Variants in RASSF8 observed in about 807,000 individuals in gnomAD.
RASSF8 encodes ras association domain-containing protein 8.
A neutral mutation model predicts 48.5 loss-of-function variants in RASSF8; 22 were observed. The ratio of observed to expected loss-of-function variants is 0.45; its 90% CI spans 0.32 to 0.65. The LOEUF is 0.65. Among genes scored for constraint, RASSF8 ranks in the 30% least tolerant of loss-of-function variants. RASSF8 has a pLI of 0.03. For synonymous variants in RASSF8, 127 were observed against 171.5 expected, an observed-to-expected ratio of 0.74 and a Z score of 2.03; for missense variants, 418 against 489.2, an observed-to-expected ratio of 0.85 and a Z score of 1.37.
rs1942910871 is a variant in RASSF8, at chr12:26,026,274, A to C, written c.-108-28962A>C. 2.0e-5 allele frequency among the ~76,000 whole-genome samples: 3 copies of C among 152,228 alleles called. No homozygotes were observed. In the South Asian group the frequency reaches 6.2e-4, roughly 32 times the overall value. ...ATAAGAACTTCATCGTAAAAAAGAC[A>C]AATAGTCCCATTAGAAAATTGACAA... is the stretch of plus-strand genomic sequence containing the variant. On this transcript the variant is annotated intron_variant, in intron 2 of 5. Transcript: ENST00000689635.
intron 1 of RASSF8, among the ~76,000 whole-genome samples, chr12:25,985,451 T>C (rs1352713422): frequency 6.6e-6 from 1 of 152,120 alleles, no homozygotes; most frequent in East Asian, 1.9e-4. Flanking sequence ...TCAGAGACTA[T>C]CGTATGGTTT....
chr12:25,964,163 T>G (rs981183642), intron 1 of RASSF8, among the ~76,000 whole-genome samples: 2 of 152,188 alleles, frequency 1.3e-5, no homozygotes, highest in African/African-American at 4.8e-5. Context: ...CCACCATGTA[T>G]ATATGTCCAC....
intron 3 of RASSF8, among the ~76,000 whole-genome samples, chr12:26,059,301 C>CTT (rs1226588616): frequency 2.6e-5 from 4 of 152,162 alleles, no homozygotes; most frequent in African/African-American, 7.2e-5. Flanking sequence ...ATCCACGGTA[C>CTT]TTTGATACTT....
chr12:26,017,691 C>T (rs1175879014), intron 2 of RASSF8, among the ~76,000 whole-genome samples: 1 of 152,206 alleles, frequency 6.6e-6, no homozygotes, highest in Non-Finnish European at 1.5e-5. Flanking sequence ...GAGCTGGTCA[C>T]AGGAGAAGCT....
intron 1 of RASSF8, among the ~76,000 whole-genome samples, chr12:25,980,631 G>A (rs1045516307): frequency 8.5e-5 from 13 of 152,136 alleles, no homozygotes; most frequent in Admixed American, 2.6e-4. Flanking sequence ...GTATCTTCCC[G>A]TTAGCTGGTG....
intron 2 of RASSF8, among the ~76,000 whole-genome samples, chr12:26,002,587 A>G (rs1357027973): frequency 6.6e-6 from 1 of 152,218 alleles, no homozygotes; most frequent in East Asian, 1.9e-4. Flanking sequence ...CAGCCTGACC[A>G]ACATGGTGAA....
chr12:25,962,178 C>G (rs1014688229), intron 1 of RASSF8, among the ~76,000 whole-genome samples: 2 of 152,186 alleles, frequency 1.3e-5, no homozygotes, highest in Non-Finnish European at 2.9e-5. Context: ...ATGATTTGAT[C>G]TCTACATCCA....
chr12:26,026,002 TAAATG>T (rs1942905057), intron 2 of RASSF8, among the ~76,000 whole-genome samples: 1 of 152,124 alleles, frequency 6.6e-6, no homozygotes, highest in South Asian at 2.1e-4. Flanking sequence ...ATCAAAGACT[TAAATG>T]TAAGAAGAAA....
chr12:26,056,164 G>A (rs1943598101), intron 3 of RASSF8, among the ~76,000 whole-genome samples: 1 of 152,170 alleles, frequency 6.6e-6, no homozygotes, highest in Non-Finnish European at 1.5e-5. Flanking sequence ...CAGCTTGGGT[G>A]ACAGCGAAAC....
intron 5 of RASSF8, 52 bp from the exon 6 acceptor site, chr12:26,068,645 A>G: frequency 2.2e-6 from 3 of 1,366,848 alleles, no homozygotes; most frequent in Non-Finnish European, 3.0e-6. Flanking sequence ...TATATTGCTA[A>G]GTACTCCAAG....
At chr12:26,030,812 G>T (rs1592286350) in intron 2 of RASSF8, among the ~76,000 whole-genome samples, 1 of 152,040 alleles carries the variant, frequency 6.6e-6, no homozygotes, top group East Asian at 1.9e-4. Context: ...TGGTTTTGGG[G>T]CTAGGTAAAT....
At chr12:25,972,347 T>C (rs1407629769) in intron 1 of RASSF8, among the ~76,000 whole-genome samples, 4 of 152,006 alleles carry the variant, frequency 2.6e-5, no homozygotes, top group Admixed American at 2.0e-4. Context: ...AGTAAGTACA[T>C]AAATATTATA....
downstream of RASSF8, among the ~76,000 whole-genome samples, chr12:26,077,758 T>G (rs1015070022): frequency 5.3e-5 from 8 of 152,208 alleles, no homozygotes; most frequent in African/African-American, 1.9e-4. Context: ...GTTGGCTGGT[T>G]TTTTTGGAAC....
chr12:25,984,648 T>C (rs1379359770), intron 1 of RASSF8, among the ~76,000 whole-genome samples: 1 of 152,142 alleles, frequency 6.6e-6, no homozygotes, highest in Non-Finnish European at 1.5e-5. Flanking sequence ...GCCTAAACTA[T>C]TTTTTAAAAG....
intron 1 of RASSF8, among the ~76,000 whole-genome samples, chr12:25,975,857 C>T (rs546912679): frequency 6.6e-6 from 1 of 152,202 alleles, no homozygotes; most frequent in South Asian, 2.1e-4. Flanking sequence ...GAGAGGCCAC[C>T]ACAGCCAGAA....
Position 26,069,649 on chromosome 12 carries a change from C to T in RASSF8, c.*831C>T. The T allele has an allele frequency of 3.0e-6, 3 of 985,396 alleles. No individual in the cohort carries two copies. The highest frequency in any genetic ancestry group is 3.6e-6 in the Non-Finnish European group (3 of 829,888). 61.0% of individuals were successfully genotyped at this position (985,396 alleles called of 1,614,324 possible). On this transcript the variant is annotated 3_prime_UTR_variant, in exon 6 of 6. Transcript: ENST00000689635. ...TGTTTCTGCCCTGTCTTATCATTTA[C>T]ACTCATGGATCTTCAGAATTAATCT...
chr12:26,075,399 A>G (rs1195566359), downstream of RASSF8, among the ~76,000 whole-genome samples: 1 of 152,218 alleles, frequency 6.6e-6, no homozygotes, highest in Admixed American at 6.5e-5. Context: ...CTTCCTTTTT[A>G]TAGAGTGTTT....
intron 1 of RASSF8, among the ~76,000 whole-genome samples, chr12:25,976,026 G>A (rs913825517): frequency 6.6e-6 from 1 of 152,096 alleles, no homozygotes; most frequent in Non-Finnish European, 1.5e-5. Flanking sequence ...AGAAATTTTG[G>A]ACCTTATTCC....
At chr12:26,030,745 G>C (rs969813908) in intron 2 of RASSF8, among the ~76,000 whole-genome samples, 1 of 151,714 alleles carries the variant, frequency 6.6e-6, no homozygotes, top group Admixed American at 6.6e-5. Context: ...TTAACTTCTG[G>C]AACAAAGTTA....
Sources: allele counts gnomAD v4.1 joint callset (sites outside exome capture counted in the v4.1 genomes callset), GRCh38; gene constraint gnomAD v4.1.1; transcripts MANE v1.5; gene names NCBI Gene and HGNC (gene_info 2026-07-23, HGNC 2026-07-21).